PDE7B: variants seen among roughly 807,000 people sequenced by gnomAD.
The protein encoded by PDE7B is phosphodiesterase 7B.
Under a neutral mutation model 56.2 loss-of-function variants are expected in PDE7B, and 29 were observed. That is an observed-to-expected ratio of 0.52 (90% CI 0.38 to 0.70). The LOEUF (loss-of-function observed/expected upper bound fraction) is 0.70, where lower values mean the gene tolerates loss of function less well. Among genes scored for constraint, PDE7B ranks in the 30% least tolerant of loss-of-function variants. PDE7B has a pLI of 0.00. For missense variants in PDE7B, 490 were observed against 565.0 expected (o/e 0.87, Z 1.35); for synonymous variants, 197 against 196.9 (o/e 1.00, Z 0.00).
intron 1 of PDE7B, among the ~76,000 whole-genome samples, chr6:135,896,954 C>A (rs1344264932): frequency 1.3e-5 from 2 of 152,098 alleles, no homozygotes; most frequent in Non-Finnish European, 2.9e-5. Flanking sequence ...AAATACCACT[C>A]TCCAATCAAG....
rs774887622 is a variant in PDE7B at position 135,852,043 on chromosome 6, C to T, written c.21+24C>T. The T allele has an allele frequency of 1.3e-5, 21 of 1,569,070 alleles. No homozygotes were observed. The South Asian group carries it at 2.0e-4, about 15-fold the overall frequency. ...AGGTATGTACAACAAATTTAAGCGG[C>T]AAGCTCAGTTTTCTTGAGAGAATAG... On this transcript the variant is annotated intron_variant, in intron 1 of 12. Transcript: ENST00000308191.
chr6:136,055,629 TA>T (rs770344399), intron 2 of PDE7B, among the ~76,000 whole-genome samples: 8 of 152,196 alleles, frequency 5.3e-5, no homozygotes, highest in Non-Finnish European at 1.2e-4. Flanking sequence ...ATGTTTAGAT[TA>T]AAAGATAAAT....
intron 1 of PDE7B, among the ~76,000 whole-genome samples, chr6:135,905,007 A>C (rs1049935281): frequency 6.6e-6 from 1 of 152,230 alleles, no homozygotes; most frequent in Non-Finnish European, 1.5e-5. Flanking sequence ...AGAAAGGCTC[A>C]TGTTTGGTTG....
intron 2 of PDE7B, among the ~76,000 whole-genome samples, chr6:135,979,097 AT>A (rs1775246865): frequency 6.6e-6 from 1 of 151,896 alleles, no homozygotes; most frequent in African/African-American, 2.4e-5. Flanking sequence ...GCGTTGTTGA[AT>A]TTTGTCAAAG....
At chr6:136,160,942 A>G (rs1290394694) in intron 8 of PDE7B, among the ~76,000 whole-genome samples, 1 of 152,220 alleles carries the variant, frequency 6.6e-6, no homozygotes, top group East Asian at 1.9e-4. Context: ...AACAGAAAAT[A>G]AGTAAAATAT....
At chr6:136,042,475 T>C (rs1470894148) in intron 2 of PDE7B, among the ~76,000 whole-genome samples, 1 of 152,238 alleles carries the variant, frequency 6.6e-6, no homozygotes, top group Non-Finnish European at 1.5e-5. Context: ...TTTTGCATTA[T>C]AGTTTACTTA....
intron 2 of PDE7B, among the ~76,000 whole-genome samples, chr6:136,107,824 GATATTAA>G (rs1777671547): frequency 6.6e-6 from 1 of 152,096 alleles, no homozygotes; most frequent in Non-Finnish European, 1.5e-5. Flanking sequence ...AACGAACACA[GATATTAA>G]ATATTAAAGG....
intron 1 of PDE7B, among the ~76,000 whole-genome samples, chr6:135,872,375 C>T (rs769448026): frequency 6.6e-6 from 1 of 152,144 alleles, no homozygotes; most frequent in East Asian, 1.9e-4. Context: ...GTATCATCCA[C>T]AATACACTAA....
chr6:135,975,379 C>T (rs1272797377), intron 2 of PDE7B, among the ~76,000 whole-genome samples: 1 of 152,096 alleles, frequency 6.6e-6, no homozygotes, highest in Non-Finnish European at 1.5e-5. Flanking sequence ...CCTCTCACAA[C>T]CAGAAGGATA....
At chr6:136,030,481 G>A (rs949225836) in intron 2 of PDE7B, among the ~76,000 whole-genome samples, 1 of 152,236 alleles carries the variant, frequency 6.6e-6, no homozygotes, top group African/African-American at 2.4e-5. Context: ...TTGTGTGTGT[G>A]TGTTTCGCTG....
chr6:136,032,793 T>A (rs751237348), intron 2 of PDE7B, among the ~76,000 whole-genome samples: 5 of 152,222 alleles, frequency 3.3e-5, no homozygotes, highest in Non-Finnish European at 5.9e-5. Flanking sequence ...TATAGCACAT[T>A]ACAGTTTAAA....
chr6:136,123,909 C>A (rs961323056), intron 3 of PDE7B, among the ~76,000 whole-genome samples: 10 of 152,058 alleles, frequency 6.6e-5, no homozygotes, highest in Non-Finnish European at 1.5e-4. Context: ...TAGAGTAATA[C>A]AATAGATTAA....
At chr6:135,881,105 G>GT (rs1327972473) in intron 1 of PDE7B, among the ~76,000 whole-genome samples, 1 of 152,076 alleles carries the variant, frequency 6.6e-6, no homozygotes, top group Admixed American at 6.6e-5. Flanking sequence ...TTGCATTTAA[G>GT]TTTTTTGGAA....
intron 2 of PDE7B, among the ~76,000 whole-genome samples, chr6:136,067,093 C>T (rs1315981168): frequency 1.3e-5 from 2 of 152,086 alleles, no homozygotes; most frequent in Non-Finnish European, 2.9e-5. Context: ...TCAAGCAATC[C>T]TCCCACCTCA....
intron 2 of PDE7B, among the ~76,000 whole-genome samples, chr6:136,031,260 C>T (rs1346996938): frequency 6.6e-6 from 1 of 152,232 alleles, no homozygotes; most frequent in Admixed American, 6.5e-5. Flanking sequence ...GACCAACAAC[C>T]TTGACATCCC....
chr6:136,055,059 G>A (rs576340181), intron 2 of PDE7B, among the ~76,000 whole-genome samples: 1 of 152,308 alleles, frequency 6.6e-6, no homozygotes, highest in Non-Finnish European at 1.5e-5. Flanking sequence ...CATTGTGAGG[G>A]TCTGTAAAAC....
chr6:135,876,495 T>G lies in PDE7B; in HGVS notation c.21+24476T>G, dbSNP rs541980823. On this transcript the variant is annotated intron_variant, in intron 1 of 12. Coordinates refer to ENST00000308191, the MANE Select transcript of PDE7B (RefSeq NM_018945.4). The stretch of plus-strand genomic sequence containing the variant: ...AAGCTGGTGAAATTTCAGCCATGCT[T>G]TCTTGGAAAATGGCATCTCCTACCT... Among the ~76,000 whole-genome samples the G allele has an allele frequency of 2.8e-4, 42 of 152,202 alleles. 1 individual carries two copies. The highest frequency in any genetic ancestry group is 5.7e-4 in the Non-Finnish European group (39 of 68,016).
At chr6:135,979,468 G>A (rs1283786137) in intron 2 of PDE7B, among the ~76,000 whole-genome samples, 2 of 151,428 alleles carry the variant, frequency 1.3e-5, no homozygotes, top group Non-Finnish European at 2.9e-5. Flanking sequence ...GTTCCTCCTT[G>A]TACCTCTGGT....
chr6:135,920,009 C>T (rs1774040796), intron 1 of PDE7B, among the ~76,000 whole-genome samples: 2 of 152,006 alleles, frequency 1.3e-5, no homozygotes, highest in South Asian at 2.1e-4. Context: ...GAAAACCAAA[C>T]TTAAACCTAG....
Sources: gnomAD v4.1 joint callset for allele counts (sites outside exome capture counted in the v4.1 genomes callset) on GRCh38, gnomAD v4.1.1 for gene constraint, MANE v1.5 for transcripts, NCBI Gene and HGNC (gene_info 2026-07-23, HGNC 2026-07-21) for gene names.